TRIO: variants seen among roughly 807,000 people sequenced by gnomAD.
TRIO encodes trio Rho guanine nucleotide exchange factor, also known as triple functional domain protein.
A neutral mutation model predicts 351.9 loss-of-function variants in TRIO; 58 were observed. That is an observed-to-expected ratio of 0.16 (90% CI 0.13 to 0.21). The LOEUF is 0.21. Ranked by LOEUF, TRIO falls within the 10% of genes least tolerant of loss-of-function variation. The pLI is 1.00. For missense variants in TRIO, 3,201 were observed against 4,027.8 expected, an observed-to-expected ratio of 0.79 and a Z score of 5.56; for synonymous variants, 1,758 against 1,595.7, an observed-to-expected ratio of 1.10 and a Z score of -2.42.
chr5:14,295,128 A>G (rs1274790960), intron 6 of TRIO, among the ~76,000 whole-genome samples: 1 of 152,184 alleles, frequency 6.6e-6, no homozygotes, highest in Non-Finnish European at 1.5e-5. Context: ...AATGCAGGGC[A>G]AGGGTATTTA....
In TRIO at chr5:14,168,645, C is replaced by T. The variant is rs534765055; in HGVS notation, c.157+24763C>T. On this transcript the variant is annotated intron_variant, in intron 1 of 56. Transcript: ENST00000344204. ...TCCTGTTTCTTCTGATTCTGAGTTC[C>T]GCCCTTTTTAGCTAGCATTCAGTTG... is the stretch of plus-strand genomic sequence containing the variant. Among the ~76,000 whole-genome samples the T allele has an allele frequency of 6.6e-5, 10 of 152,282 alleles. No individual in the cohort carries two copies. In the East Asian group the frequency reaches 1.3e-3, roughly 21 times the overall value.
chr5:14,480,799 C>A (rs2126603105), intron 43 of TRIO, among the ~76,000 whole-genome samples: 1 of 152,170 alleles, frequency 6.6e-6, no homozygotes, highest in South Asian at 2.1e-4. Context: ...TAAAGTAGAA[C>A]TAAGGCACCA....
chr5:14,266,127 C>T (rs765819605), intron 1 of TRIO, among the ~76,000 whole-genome samples: 8 of 151,794 alleles, frequency 5.3e-5, no homozygotes, highest in Non-Finnish European at 7.4e-5. Flanking sequence ...GGCATGATCT[C>T]GGCTCACTGC....
chr5:14,476,160 A>C (rs1755059737), intron 40 of TRIO, among the ~76,000 whole-genome samples: 1 of 152,244 alleles, frequency 6.6e-6, no homozygotes, highest in African/African-American at 2.4e-5. Context: ...GAGTCTCTAA[A>C]AATTATCTTA....
intron 34 of TRIO, among the ~76,000 whole-genome samples, chr5:14,446,219 GAAGACT>G (rs1413441207): frequency 6.6e-6 from 1 of 152,084 alleles, no homozygotes. Context: ...TTCCTCACAG[GAAGACT>G]TAACAACAGG....
At chr5:14,294,686 T>A (rs1386181064) in intron 6 of TRIO, among the ~76,000 whole-genome samples, 1 of 152,224 alleles carries the variant, frequency 6.6e-6, no homozygotes, top group Non-Finnish European at 1.5e-5. Flanking sequence ...CTTTCTTATT[T>A]GCCATGTGAC....
chr5:14,327,605 T>C (rs1470780499), intron 9 of TRIO, among the ~76,000 whole-genome samples: 3 of 152,244 alleles, frequency 2.0e-5, no homozygotes, highest in Non-Finnish European at 4.4e-5. Context: ...TCAGGTTTGC[T>C]GCTTACTGGT....
At chr5:14,305,054 C>T (rs1473755040) in intron 8 of TRIO, among the ~76,000 whole-genome samples, 4 of 152,164 alleles carry the variant, frequency 2.6e-5, no homozygotes, top group African/African-American at 9.7e-5. Context: ...CTTAGTGAAT[C>T]CCTGTTTTAT....
intron 52 of TRIO, 89 bp from the exon 53 acceptor site, chr5:14,498,430 C>A: frequency 1.3e-6 from 2 of 1,537,120 alleles, no homozygotes; most frequent in South Asian, 2.4e-5. Flanking sequence ...TGAGCTCCTG[C>A]CTTCCCTTGA....
chr5:14,385,329 T>A (rs1746448270), intron 21 of TRIO, among the ~76,000 whole-genome samples: 1 of 152,222 alleles, frequency 6.6e-6, no homozygotes, highest in South Asian at 2.1e-4. Context: ...GTAGACGGAA[T>A]TTGGAAACAA....
intron 8 of TRIO, among the ~76,000 whole-genome samples, chr5:14,311,788 C>A (rs1045331199): frequency 6.6e-6 from 1 of 152,138 alleles, no homozygotes; most frequent in Non-Finnish European, 1.5e-5. Flanking sequence ...AGAATTAAGA[C>A]GGTGTTGGCT....
At chr5:14,502,704 G>T in intron 54 of TRIO, 47 bp downstream of exon 54, 1 of 1,575,602 alleles carries the variant, frequency 6.3e-7, no homozygotes. Context: ...AGAGCGTGGG[G>T]AAGACATACC....
In TRIO at chr5:14,369,389, G is replaced by A. The variant is rs774754250; in HGVS notation, c.3082G>A (p.Glu1028Lys). 1 of 1,613,428 alleles carries A rather than the reference G, an allele frequency of 6.2e-7. No individual in the cohort carries two copies. The highest frequency in any genetic ancestry group is 8.5e-7 in the Non-Finnish European group (1 of 1,179,704). The change falls in exon 18 of 57, where the codon GAG (glutamate) becomes AAG (lysine). Residue 1028 changes from glutamate to lysine, a missense_variant. Transcript: ENST00000344204. ...CTGCTCACAGGTCTGCAGCGTCCTC[G>A]AGAGCCTGGAACAGGAGTACAAGAG... ...KTSEQVCSVL[E>K]SLEQEYKREE...
intron 1 of TRIO, among the ~76,000 whole-genome samples, chr5:14,154,803 A>C (rs1365757799): frequency 6.6e-6 from 1 of 152,202 alleles, no homozygotes; most frequent in African/African-American, 2.4e-5. Flanking sequence ...ACACTGTATA[A>C]TCAGAAGGTA....
chr5:14,264,788 C>T (rs1011917439), intron 1 of TRIO, among the ~76,000 whole-genome samples: 1 of 152,206 alleles, frequency 6.6e-6, no homozygotes, highest in African/African-American at 2.4e-5. Flanking sequence ...GAGAAGTGGC[C>T]GGCCCGGAGA....
At chr5:14,219,891 T>C (rs868755200) in intron 1 of TRIO, among the ~76,000 whole-genome samples, 76 of 151,746 alleles carry the variant, frequency 5.0e-4, no homozygotes, top group African/African-American at 1.8e-3. Context: ...AGTACAGAAA[T>C]ATCAGAGTTC....
At chr5:14,364,165 A>G (rs144280321) in intron 14 of TRIO, among the ~76,000 whole-genome samples, 20 of 152,332 alleles carry the variant, frequency 1.3e-4, no homozygotes, top group African/African-American at 4.6e-4. Flanking sequence ...CTTTAATTCT[A>G]CACAATGATA....
At chr5:14,489,568 C>T (rs182049275) in intron 48 of TRIO, among the ~76,000 whole-genome samples, 38 of 152,326 alleles carry the variant, frequency 2.5e-4, no homozygotes, top group Admixed American at 1.2e-3. Flanking sequence ...CTGTGACCCT[C>T]GCTGAATCTG....
Position 14,293,096 on chromosome 5 carries a change from C to T in TRIO, c.1138C>T (p.Leu380Phe). 1 of 1,614,208 alleles carries T rather than the reference C, an allele frequency of 6.2e-7. No homozygotes were observed. The highest frequency in any genetic ancestry group is 8.5e-7 in the Non-Finnish European group (1 of 1,180,028). ...GACCAGCCACCCTCATGCCATGGAG[C>T]TTCAGACGCAGCACAATCACTTTGC... ...IGTSHPHAME[L>F]QTQHNHFAMN... Residue 380 changes from leucine (L) to phenylalanine (F), a missense_variant, in exon 6 of 57, where the codon CTT becomes TTT. Around this residue, in one of 19 missense-constraint regions of TRIO, gnomAD observed 349 missense variants for 449.3 expected, o/e 0.78. Transcript: ENST00000344204.
Sources: gnomAD v4.1 joint callset for allele counts (sites outside exome capture counted in the v4.1 genomes callset) on GRCh38, gnomAD v4.1.1 for gene constraint, gnomAD v4.1.1 regional missense constraint, MANE v1.5 for transcripts, NCBI Gene and HGNC (gene_info 2026-07-23, HGNC 2026-07-21) for gene names.